The following PLEKHM1 variants were observed in gnomAD, a reference collection of about 807,000 sequenced individuals.
PLEKHM1 encodes pleckstrin homology domain-containing family M member 1.
Under a neutral mutation model 94.3 loss-of-function variants are expected in PLEKHM1, and 28 were observed. The ratio of observed to expected loss-of-function variants is 0.30; its 90% CI spans 0.22 to 0.41. The LOEUF (loss-of-function observed/expected upper bound fraction) is 0.41, where lower values mean the gene tolerates loss of function less well. Among genes scored for constraint, PLEKHM1 ranks in the 10% least tolerant of loss-of-function variants. The pLI, the probability that PLEKHM1 is intolerant of heterozygous loss-of-function variation, is 1.00. For missense variants in PLEKHM1, 907 were observed against 1,358.6 expected (o/e 0.67, Z 5.22); for synonymous variants, 424 against 581.2 (o/e 0.73, Z 3.89).
chr17:45,482,640 G>C (rs1047616227), intron 1 of PLEKHM1, 115 bp from the exon 2 acceptor site: 5 of 712,610 alleles, frequency 7.0e-6, no homozygotes, highest in Admixed American at 4.1e-5. Flanking sequence ...AACCAAAAAG[G>C]CCTTTGCAGA....
intron 2 of PLEKHM1, among the ~76,000 whole-genome samples, chr17:45,480,341 G>T (rs146592733): frequency 2.0e-5 from 3 of 152,002 alleles, no homozygotes; most frequent in Admixed American, 1.3e-4. Flanking sequence ...AAAATTAGCC[G>T]GGCATGGTGG....
At chr17:45,484,760 C>G (rs975142042) in intron 1 of PLEKHM1, among the ~76,000 whole-genome samples, 5 of 152,130 alleles carry the variant, frequency 3.3e-5, no homozygotes, top group African/African-American at 1.2e-4. Flanking sequence ...TGGGAAGACC[C>G]TTTCGCTGGG....
Position 45,468,466 on chromosome 17 carries a change from G to C in PLEKHM1, c.1051C>G (p.His351Asp), listed in dbSNP as rs781073614. Residue 351 changes from histidine to aspartate, a missense_variant, in exon 5 of 12, where the codon CAC becomes GAC. His to Asp is a moderately conservative substitution (Grantham distance 81, BLOSUM62 -1). Transcript: ENST00000430334. Reference protein sequence around the residue: ...LHGLNTSTYLHCEAPAEPLPA... With the variant: ...LHGLNTSTYLDCEAPAEPLPA... ...AGGGGCTCTGCAGGTGCCTCACAGT[G>C]CAGGTATGTGCTGGTGTTGAGGCCA... 66 of 1,614,124 alleles carry C rather than the reference G, an allele frequency of 4.1e-5. No homozygotes were observed. Among genetic ancestry groups the C allele is most frequent in the Non-Finnish European group, 5.5e-5 (65 of 1,180,058 alleles).
intron 4 of PLEKHM1, among the ~76,000 whole-genome samples, chr17:45,469,076 A>G (rs2684537): frequency 0.075 from 10,289 of 136,674 alleles, 712 homozygotes; most frequent in Middle Eastern, 0.18. Flanking sequence ...TTTCCTAAGC[A>G]AGGTCATACT....
intron 5 of PLEKHM1, among the ~76,000 whole-genome samples, chr17:45,464,728 C>G (rs2051266523): frequency 6.6e-6 from 1 of 152,202 alleles, no homozygotes; most frequent in Non-Finnish European, 1.5e-5. Context: ...CAATCAGAGT[C>G]CCCTGTAGCT....
chr17:45,453,927 T>G lies in PLEKHM1; in HGVS notation c.1925A>C (p.Asp642Ala). 6.2e-7 allele frequency: 1 copy of G among 1,613,798 alleles called. No individual in the cohort carries two copies. The highest frequency in any genetic ancestry group is 2.2e-5 in the East Asian group (1 of 44,884). Residue 642 changes from aspartate (D) to alanine (A), a missense_variant, in exon 7 of 12, where the codon GAC (aspartate) becomes GCC (alanine). Around this residue, in one of 3 missense-constraint regions of PLEKHM1, gnomAD observed 477 missense variants for 601.5 expected, o/e 0.79. Transcript: ENST00000430334. The surrounding 1 kb of genome is among the most constrained non-coding windows in gnomAD (Gnocchi z 4.1). ...EDEWVNVQYP[D>A]QPEEPPEAPQ... ...CGCCTCGGGGGGTTCCTCAGGCTGGTCTGGGTACTGCACGTTCACCCACTC... is the reference window on the plus strand; with the variant it reads ...CGCCTCGGGGGGTTCCTCAGGCTGGGCTGGGTACTGCACGTTCACCCACTC...
At chr17:45,451,400 C>T (rs1422267561) in intron 7 of PLEKHM1, among the ~76,000 whole-genome samples, 1 of 152,050 alleles carries the variant, frequency 6.6e-6, no homozygotes, top group Admixed American at 6.6e-5. Context: ...TGGGATGTGC[C>T]CTGGGCAAAA....
At chr17:45,483,295 A>G (rs1567808000) in intron 1 of PLEKHM1, among the ~76,000 whole-genome samples, 1 of 152,034 alleles carries the variant, frequency 6.6e-6, no homozygotes, top group African/African-American at 2.4e-5. Context: ...CTGTCATCCC[A>G]GTGGATGTGG....
chr17:45,458,080 T>C, intron 6 of PLEKHM1, 89 bp downstream of exon 6: 1 of 1,011,282 alleles, frequency 9.9e-7, no homozygotes, highest in Non-Finnish European at 1.5e-6. Flanking sequence ...ACTACCCCTT[T>C]AGCAATGGAA....
intron 7 of PLEKHM1, among the ~76,000 whole-genome samples, chr17:45,451,280 G>A (rs1171506525): frequency 6.6e-6 from 1 of 152,238 alleles, no homozygotes; most frequent in African/African-American, 2.4e-5. Context: ...CAGCCAGCAG[G>A]GGGCAGGGGA....
intron 2 of PLEKHM1, among the ~76,000 whole-genome samples, chr17:45,480,254 G>A (rs1283442010): frequency 3.9e-5 from 6 of 152,172 alleles, no homozygotes; most frequent in African/African-American, 1.4e-4. Context: ...AGGCCAAGAC[G>A]AGTGGATCAC....
At chr17:45,440,520 CCAAGCT>C in intron 9 of PLEKHM1, 1 of 574,354 alleles carries the variant, frequency 1.7e-6, no homozygotes, top group Non-Finnish European at 3.1e-6. Context: ...TGGCTTGGTG[CCAAGCT>C]CACAGTAAAC....
At chr17:45,461,249 T>C (rs985691545) in intron 5 of PLEKHM1, among the ~76,000 whole-genome samples, 4 of 152,202 alleles carry the variant, frequency 2.6e-5, no homozygotes, top group African/African-American at 9.6e-5. Context: ...TAGGGACTAA[T>C]TCAAGTTGTA....
chr17:45,466,593 A>T (rs2145275393), intron 5 of PLEKHM1, among the ~76,000 whole-genome samples: 1 of 152,346 alleles, frequency 6.6e-6, no homozygotes, highest in East Asian at 1.9e-4. Flanking sequence ...CCGGAATGAC[A>T]ACTTGGACAG....
In PLEKHM1 at chr17:45,437,690, C is replaced by T. The variant is rs1208222313; in HGVS notation, c.*168G>A. 2.8e-6 allele frequency: 2 copies of T among 705,958 alleles called. No individual in the cohort carries two copies. Among genetic ancestry groups the T allele is most frequent in the Non-Finnish European group, 5.1e-6 (2 of 389,568 alleles). 43.7% of individuals were successfully genotyped at this position (705,958 alleles called of 1,614,324 possible). A position where few individuals can be genotyped will look rare whatever the true frequency, so the allele number is the denominator to read the frequency against. On this transcript the variant is annotated 3_prime_UTR_variant, in exon 12 of 12. Coordinates refer to ENST00000430334, the MANE Select transcript of PLEKHM1 (RefSeq NM_014798.3). This position sits in a 1 kb window ranked among gnomAD's most constrained non-coding sequence, Gnocchi z 4.0. Reference sequence around the variant, plus strand: ...GGAGGGCCAGGGGACACCACGGGGACTTCCTGGGCTTTCTCTGGGAGGCCG... The same window carrying T: ...GGAGGGCCAGGGGACACCACGGGGATTTCCTGGGCTTTCTCTGGGAGGCCG...
Position 45,453,006 on chromosome 17 carries a change from A to T in PLEKHM1, c.2497+349T>A. The stretch of plus-strand genomic sequence containing the variant: ...TATAAAAGCAGCAGAAATATTTGGA[A>T]GGAAACCATGCCCCTGCTCTGAAAG... On this transcript the variant is annotated intron_variant, in intron 7 of 11. Transcript: ENST00000430334. This position sits in a 1 kb window ranked among gnomAD's most constrained non-coding sequence, Gnocchi z 4.1. 1 of 489,000 alleles carries T rather than the reference A, an allele frequency of 2.0e-6. No individual in the cohort carries two copies. The allele number at this position is 489,000 out of a possible 1,614,324, so 30.3% of individuals were successfully genotyped here. A position where few individuals can be genotyped will look rare whatever the true frequency, so the allele number is the denominator to read the frequency against.
intron 4 of PLEKHM1, among the ~76,000 whole-genome samples, chr17:45,470,673 A>T (rs1285202645): frequency 0.01 from 291 of 28,686 alleles, no homozygotes; most frequent in Middle Eastern, 0.068. Context: ...TTTTTTTTTT[A>T]TTTGAGACTG....
intron 1 of PLEKHM1, among the ~76,000 whole-genome samples, chr17:45,483,989 G>A (rs962780277): frequency 7.9e-5 from 12 of 152,246 alleles, no homozygotes; most frequent in African/African-American, 2.9e-4. Context: ...GCCATGACAC[G>A]AAGTGGGGCG....
At chr17:45,486,013 G>A (rs2052101990) in intron 1 of PLEKHM1, among the ~76,000 whole-genome samples, 2 of 150,822 alleles carry the variant, frequency 1.3e-5, no homozygotes, top group South Asian at 2.1e-4. Flanking sequence ...TCAGGAGATC[G>A]AGACCATCCT....
Sources: allele counts gnomAD v4.1 joint callset (sites outside exome capture counted in the v4.1 genomes callset), GRCh38; gene constraint gnomAD v4.1.1; regional missense constraint gnomAD v4.1.1; non-coding constraint Gnocchi (gnomAD v3.1); transcripts MANE v1.5; gene names NCBI Gene and HGNC (gene_info 2026-07-23, HGNC 2026-07-21).